DLGAP2: variants seen among roughly 807,000 people sequenced by gnomAD.
The protein encoded by DLGAP2 is DLG associated protein 2, also known as disks large-associated protein 2.
In DLGAP2, 26 loss-of-function variants were observed where a neutral mutation model predicts 100.3. The observed-to-expected ratio is 0.26, with a 90% CI of 0.19 to 0.36. The LOEUF (loss-of-function observed/expected upper bound fraction) is 0.36, where lower values mean the gene tolerates loss of function less well. Ranked by LOEUF, DLGAP2 falls within the 10% of genes least tolerant of loss-of-function variation. The probability of loss-of-function intolerance (pLI) is 1.00; values close to 1 mark genes in which losing one functional copy is unlikely to be tolerated. For synonymous variants in DLGAP2, 886 were observed against 630.1 expected (o/e 1.41, Z -6.08); for missense variants, 1,858 against 1,453.2 (o/e 1.28, Z -4.53).
At chr8:896,442 A>G (rs1798143706) in intron 1 of DLGAP2, among the ~76,000 whole-genome samples, 1 of 151,888 alleles carries the variant, frequency 6.6e-6, no homozygotes, top group South Asian at 2.1e-4. Context: ...TGGGGAGATG[A>G]TGTATTTGGG....
chr8:1,273,714 G>T (rs78975648), intron 3 of DLGAP2, among the ~76,000 whole-genome samples: 1 of 152,196 alleles, frequency 6.6e-6, no homozygotes, highest in South Asian at 2.1e-4. Flanking sequence ...TGGTACCTCT[G>T]CTCAAAGGTG....
intron 3 of DLGAP2, among the ~76,000 whole-genome samples, chr8:1,316,491 A>G (rs2117027578): frequency 7.7e-6 from 1 of 130,660 alleles, no homozygotes; most frequent in South Asian, 2.6e-4. Flanking sequence ...GTGCGAGTGC[A>G]GCGTCTCTCC....
chr8:1,686,772 A>G (rs770406597), intron 12 of DLGAP2, among the ~76,000 whole-genome samples: 1 of 152,232 alleles, frequency 6.6e-6, no homozygotes, highest in Non-Finnish European at 1.5e-5. Context: ...AATGGGTACA[A>G]AAATACAGTT....
Position 1,271,298 on chromosome 8 carries a change from C to T in DLGAP2, c.106+12415C>T, listed in dbSNP as rs997050668. Among the ~76,000 whole-genome samples, 8 of 152,168 alleles carry T rather than the reference C, an allele frequency of 5.3e-5. No homozygotes were observed. In the East Asian group the frequency reaches 5.8e-4, roughly 11 times the overall value. On this transcript the variant is annotated intron_variant, in intron 3 of 14. Transcript: ENST00000637795. ...GCGGTGTGACTTCATGGCATCTGGA[C>T]TCCTCAGCCGGGGGGGTGCGCCCAT... is the stretch of plus-strand genomic sequence containing the variant.
Position 1,506,754 on chromosome 8 carries a change from C to T in DLGAP2, c.172+5323C>T, listed in dbSNP as rs1381597693. Among the ~76,000 whole-genome samples, 3 of 152,290 alleles carry T rather than the reference C, an allele frequency of 2.0e-5. No homozygotes were observed. In the East Asian group the frequency reaches 5.8e-4, roughly 29 times the overall value. On this transcript the variant is annotated intron_variant, in intron 4 of 14. Transcript: ENST00000637795. Reference sequence around the variant, plus strand: ...TGTTTTGACAGGGTGCTGATTGGTGCATTTACAATCCCTGAGCTAGACAAA... The same window carrying T: ...TGTTTTGACAGGGTGCTGATTGGTGTATTTACAATCCCTGAGCTAGACAAA...
intron 3 of DLGAP2, among the ~76,000 whole-genome samples, chr8:1,319,942 A>T (rs1800856912): frequency 6.6e-6 from 1 of 152,146 alleles, no homozygotes; most frequent in Admixed American, 6.5e-5. Context: ...ATGTGCCAGG[A>T]CTTAGCTTTA....
intron 2 of DLGAP2, among the ~76,000 whole-genome samples, chr8:1,078,549 T>C (rs1409600983): frequency 6.6e-6 from 1 of 151,422 alleles, no homozygotes; most frequent in South Asian, 2.1e-4. Flanking sequence ...AAACCCTCTG[T>C]TCTCTGCCTG....
At chr8:1,383,744 A>T (rs1368293507) in intron 3 of DLGAP2, among the ~76,000 whole-genome samples, 1 of 152,218 alleles carries the variant, frequency 6.6e-6, no homozygotes, top group Non-Finnish European at 1.5e-5. Flanking sequence ...GCCACGTCAG[A>T]GCCTATATTA....
In DLGAP2 at chr8:1,095,250, G is replaced by C. The variant is rs1013100354; in HGVS notation, c.74-163601G>C. 2.0e-5 allele frequency among the ~76,000 whole-genome samples: 3 copies of C among 152,306 alleles called. No individual in the cohort carries two copies. The East Asian group carries it at 5.8e-4, about 29-fold the overall frequency. ...CACAGGAATGGAGGCCCTCATAGTTGCGTTAGGGCCACGTTTGGGAAAGAA... is the reference window on the plus strand; with the variant it reads ...CACAGGAATGGAGGCCCTCATAGTTCCGTTAGGGCCACGTTTGGGAAAGAA... On this transcript the variant is annotated intron_variant, in intron 2 of 14. Transcript: ENST00000637795.
intron 3 of DLGAP2, among the ~76,000 whole-genome samples, chr8:1,325,378 ACCT>A (rs1800997606): frequency 6.6e-6 from 1 of 151,948 alleles, no homozygotes; most frequent in Admixed American, 6.6e-5. Flanking sequence ...GCGTCCTCCC[ACCT>A]CCAGCAGCCC....
At chr8:1,541,654 C>T (rs1801364325) in intron 4 of DLGAP2, among the ~76,000 whole-genome samples, 3 of 152,216 alleles carry the variant, frequency 2.0e-5, no homozygotes, top group South Asian at 4.1e-4. Context: ...CAGCAGAGCC[C>T]ACTGGGTTCT....
chr8:1,036,873 C>T (rs938723634), intron 2 of DLGAP2, among the ~76,000 whole-genome samples: 1 of 152,148 alleles, frequency 6.6e-6, no homozygotes, highest in Non-Finnish European at 1.5e-5. Context: ...TTGATTTTAC[C>T]CCTTGAAACA....
intron 8 of DLGAP2, among the ~76,000 whole-genome samples, chr8:1,644,541 C>T (rs779175535): frequency 2.0e-5 from 3 of 152,234 alleles, no homozygotes; most frequent in Non-Finnish European, 4.4e-5. Flanking sequence ...TTCAAGGAAG[C>T]GGCAGAGACG....
intron 1 of DLGAP2, among the ~76,000 whole-genome samples, chr8:833,721 A>G (rs1796822536): frequency 6.6e-6 from 1 of 152,156 alleles, no homozygotes; most frequent in African/African-American, 2.4e-5. Flanking sequence ...TTTGGGGGTC[A>G]TTATTCTGCT....
chr8:1,414,417 C>A (rs1298809818), intron 3 of DLGAP2, among the ~76,000 whole-genome samples: 1 of 152,182 alleles, frequency 6.6e-6, no homozygotes, highest in Non-Finnish European at 1.5e-5. Flanking sequence ...CAGGTCGTGA[C>A]CCATGGAGCC....
chr8:1,226,744 C>G (rs893573448), intron 2 of DLGAP2, among the ~76,000 whole-genome samples: 2 of 152,074 alleles, frequency 1.3e-5, no homozygotes, highest in Admixed American at 6.5e-5. Flanking sequence ...TTTCACACAA[C>G]TGTTGAACGT....
intron 3 of DLGAP2, among the ~76,000 whole-genome samples, chr8:1,478,332 C>T (rs1456846934): frequency 1.3e-5 from 2 of 152,158 alleles, no homozygotes; most frequent in Non-Finnish European, 2.9e-5. Context: ...CATGAAGGAA[C>T]ATGAGCACCC....
Position 1,663,402 on chromosome 8 carries a change from C to T in DLGAP2, c.1811-4927C>T, listed in dbSNP as rs1798464075. ...CGGTGGTGACAGCGCCCTTACTGTG[C>T]ACCCGTCTTCGCCAGCTTCTCTGGA... On this transcript the variant is annotated intron_variant, in intron 8 of 14. Transcript: ENST00000637795. 2.6e-5 allele frequency among the ~76,000 whole-genome samples: 4 copies of T among 152,196 alleles called. No individual in the cohort carries two copies. The South Asian group carries it at 8.3e-4, about 32-fold the overall frequency.
At chr8:1,255,008 T>TGTGTGTGTCCTCTCCTGCCC (rs1563043352) in intron 2 of DLGAP2, among the ~76,000 whole-genome samples, 1 of 33,938 alleles carries the variant, frequency 2.9e-5, no homozygotes. Flanking sequence ...TCATCCTGCT[T>TGTGTGTGTCCTCTCCTGCCC]GGGCGCTGTG....
Sources: gnomAD v4.1 joint callset for allele counts (sites outside exome capture counted in the v4.1 genomes callset) on GRCh38, gnomAD v4.1.1 for gene constraint, MANE v1.5 for transcripts, NCBI Gene and HGNC (gene_info 2026-07-23, HGNC 2026-07-21) for gene names.